Variants in OPA1 observed in about 807,000 individuals in gnomAD.
The protein encoded by OPA1 is dynamin-like GTPase OPA1, mitochondrial.
In OPA1, 59 loss-of-function variants were observed where a neutral mutation model predicts 152.9. The observed-to-expected ratio is 0.39, with a 90% CI of 0.31 to 0.48. OPA1 has a LOEUF of 0.48. Among genes scored for constraint, OPA1 ranks in the 20% least tolerant of loss-of-function variants. The pLI is 0.96. For synonymous variants in OPA1, 400 were observed against 389.9 expected, an observed-to-expected ratio of 1.03 and a Z score of -0.31; for missense variants, 1,008 against 1,216.8, an observed-to-expected ratio of 0.83 and a Z score of 2.55.
Position 193,614,877 on chromosome 3 carries a change from T to A in OPA1, c.187T>A (p.Ser63Thr), listed in dbSNP as rs777179811. ...ATTAAGGACATCCTTTCAGCAGTTC[T>A]CTTCTCTGACAAACCTTCCTTTACG... ...PQLRTSFQQF[S>T]SLTNLPLRKL... The change falls in exon 2 of 31, where the codon TCT (serine) becomes ACT (threonine). Residue 63 changes from serine (S) to threonine (T), a missense_variant. Transcript: ENST00000361510. 9.9e-6 allele frequency: 16 copies of A among 1,614,110 alleles called. No homozygotes were observed. The highest frequency in any genetic ancestry group is 9.9e-5 in the South Asian group (9 of 91,078).
intron 1 of OPA1, among the ~76,000 whole-genome samples, chr3:193,602,710 T>C (rs994255184): frequency 6.6e-6 from 1 of 152,244 alleles, no homozygotes; most frequent in Non-Finnish European, 1.5e-5. Flanking sequence ...TTTCAAGCTT[T>C]CCTGAAGACT....
At chr3:193,680,898 A>G (rs985743334) in intron 29 of OPA1, among the ~76,000 whole-genome samples, 1 of 152,220 alleles carries the variant, frequency 6.6e-6, no homozygotes, top group African/African-American at 2.4e-5. Flanking sequence ...GAGTTAACAT[A>G]TAAAATAACT....
chr3:193,686,756 T>C (rs765191031), intron 29 of OPA1, among the ~76,000 whole-genome samples: 1 of 152,216 alleles, frequency 6.6e-6, no homozygotes, highest in African/African-American at 2.4e-5. Flanking sequence ...TTCAGTACTC[T>C]AGTGAATAGC....
Position 193,645,711 on chromosome 3 carries a change from C to A in OPA1, c.1682-17C>A, listed in dbSNP as rs1378912480. 2.5e-6 allele frequency: 4 copies of A among 1,611,840 alleles called. No homozygotes were observed. Among genetic ancestry groups the A allele is most frequent in the East Asian group, 4.5e-5 (2 of 44,756 alleles). On this transcript the variant is annotated splice_polypyrimidine_tract_variant and intron_variant, in intron 17 of 30. Coordinates refer to ENST00000361510, the MANE Select transcript of OPA1 (RefSeq NM_130837.3). ...AGTAATTTTCTTGATGAAAATTTGA[C>A]CATCATTCTTCCCCAGGGAACAGCT...
In OPA1 at chr3:193,631,574, C is replaced by A. The variant is rs1429555865; in HGVS notation, c.790-38C>A. ...TAACTTGCTGTACATTCTGTATAAACCTAATTCTATTCAACTAAAATTATT... is the reference window on the plus strand; with the variant it reads ...TAACTTGCTGTACATTCTGTATAAAACTAATTCTATTCAACTAAAATTATT... On this transcript the variant is annotated intron_variant, in intron 7 of 30. Transcript: ENST00000361510. The A allele has an allele frequency of 6.7e-6, 10 of 1,486,172 alleles. No homozygotes were observed. The South Asian group carries it at 9.1e-5, about 14-fold the overall frequency. The allele number at this position is 1,486,172 out of a possible 1,614,324, so 92.1% of individuals were successfully genotyped here.
intron 9 of OPA1, among the ~76,000 whole-genome samples, chr3:193,636,914 A>G (rs1366883659): frequency 6.6e-6 from 1 of 152,192 alleles, no homozygotes; most frequent in Non-Finnish European, 1.5e-5. Flanking sequence ...GCTCATCAGT[A>G]TTAAGTAATA....
intron 30 of OPA1, among the ~76,000 whole-genome samples, chr3:193,693,133 G>C (rs1395994304): frequency 6.6e-6 from 1 of 151,874 alleles, no homozygotes; most frequent in Non-Finnish European, 1.5e-5. Context: ...TTCCCTCCCT[G>C]GCTACGCTCG....
At chr3:193,660,194 A>G (rs1053796551) in intron 25 of OPA1, among the ~76,000 whole-genome samples, 2 of 152,176 alleles carry the variant, frequency 1.3e-5, no homozygotes, top group South Asian at 4.1e-4. Flanking sequence ...TTATTTTATT[A>G]TCTTATCTAT....
chr3:193,606,487 G>T (rs1316564528), intron 1 of OPA1, among the ~76,000 whole-genome samples: 1 of 141,836 alleles, frequency 7.1e-6, no homozygotes, highest in Non-Finnish European at 1.5e-5. Flanking sequence ...TCACTGTTCA[G>T]TTCCCACCTA....
chr3:193,593,230 G>A lies in OPA1; in HGVS notation c.-148G>A, dbSNP rs2108755054. On this transcript the variant is annotated 5_prime_UTR_variant, in exon 1 of 31. Transcript: ENST00000361510. ...GTCAGGCTCTTGCGGAAGTCCATGCGCCATTGGGAGGGCCTCGGCCGCGGC... is the reference window on the plus strand; with the variant it reads ...GTCAGGCTCTTGCGGAAGTCCATGCACCATTGGGAGGGCCTCGGCCGCGGC... The A allele has an allele frequency of 1.5e-6, 1 of 646,464 alleles. No individual in the cohort carries two copies. The highest frequency in any genetic ancestry group is 2.5e-6 in the Non-Finnish European group (1 of 392,934). The allele number at this position is 646,464 out of a possible 1,614,324, so 40.0% of individuals were successfully genotyped here. A position where few individuals can be genotyped will look rare whatever the true frequency, so the allele number is the denominator to read the frequency against.
intron 11 of OPA1, 73 bp from the exon 12 acceptor site, chr3:193,642,692 A>G: frequency 3.6e-6 from 4 of 1,121,414 alleles, no homozygotes; most frequent in Non-Finnish European, 5.5e-6. Context: ...CCCTGTCTAG[A>G]CCACATACGG....
chr3:193,609,774 T>G (rs1427402506), intron 1 of OPA1, among the ~76,000 whole-genome samples: 1 of 152,228 alleles, frequency 6.6e-6, no homozygotes, highest in Non-Finnish European at 1.5e-5. Flanking sequence ...TCTTCCCGCT[T>G]CATTTCATTG....
intron 3 of OPA1, among the ~76,000 whole-genome samples, chr3:193,616,876 C>T (rs938206481): frequency 2.0e-5 from 3 of 152,154 alleles, no homozygotes; most frequent in Non-Finnish European, 4.4e-5. Context: ...GCAAAAAAAG[C>T]ACACTTTCAA....
intron 29 of OPA1, among the ~76,000 whole-genome samples, chr3:193,679,592 A>G (rs2109385153): frequency 6.6e-6 from 1 of 152,304 alleles, no homozygotes; most frequent in East Asian, 1.9e-4. Context: ...TGTTACAGAT[A>G]GGACTTTTTT....
intron 1 of OPA1, among the ~76,000 whole-genome samples, chr3:193,605,991 T>C (rs565717732): frequency 8.5e-5 from 13 of 152,316 alleles, no homozygotes; most frequent in African/African-American, 3.1e-4. Flanking sequence ...CCCATGTTCC[T>C]TTAAAGGTAT....
intron 8 of OPA1, among the ~76,000 whole-genome samples, chr3:193,633,357 A>T (rs1732408640): frequency 6.6e-6 from 1 of 152,230 alleles, no homozygotes; most frequent in Non-Finnish European, 1.5e-5. Context: ...GCTCAATAGC[A>T]CATCTCTTCA....
intron 21 of OPA1, among the ~76,000 whole-genome samples, chr3:193,649,539 A>G (rs372047880): frequency 2.6e-5 from 4 of 152,204 alleles, no homozygotes; most frequent in African/African-American, 4.8e-5. Context: ...TATCTTTCTA[A>G]TGAAGACTGT....
intron 8 of OPA1, 36 bp downstream of exon 8, chr3:193,631,701 A>T: frequency 3.2e-6 from 5 of 1,552,954 alleles, no homozygotes; most frequent in Non-Finnish European, 4.4e-6. Flanking sequence ...AGGGACTTTT[A>T]AAAATTATAT....
At chr3:193,651,157 G>A (rs960618304) in intron 21 of OPA1, among the ~76,000 whole-genome samples, 1 of 152,166 alleles carries the variant, frequency 6.6e-6, no homozygotes, top group Non-Finnish European at 1.5e-5. Flanking sequence ...GAAGCTTAGT[G>A]TGTATTCCAT....
Sources: gnomAD v4.1 joint callset for allele counts (sites outside exome capture counted in the v4.1 genomes callset) on GRCh38, gnomAD v4.1.1 for gene constraint, MANE v1.5 for transcripts, NCBI Gene and HGNC (gene_info 2026-07-23, HGNC 2026-07-21) for gene names.